The following AQP11 variants were observed in gnomAD, a reference collection of about 807,000 sequenced individuals.
The protein encoded by AQP11 is aquaporin 11.
A neutral mutation model predicts 21.1 loss-of-function variants in AQP11; 20 were observed. That is an observed-to-expected ratio of 0.95 (90% confidence interval 0.67 to 1.38). The LOEUF is 1.38. AQP11 is among the 40% of genes most tolerant of loss of function. The pLI, the probability that AQP11 is intolerant of heterozygous loss-of-function variation, is 0.00. For synonymous variants in AQP11, 167 were observed against 150.1 expected (o/e 1.11, Z -0.82); for missense variants, 339 against 340.4 (o/e 1.00, Z 0.03).
In AQP11 at chr11:77,590,380, T is replaced by G; in HGVS notation, c.388T>G (p.Cys130Gly). The change falls in exon 1 of 3, where the codon TGC (cysteine) becomes GGC (glycine). Residue 130 changes from cysteine to glycine, a missense_variant. Physicochemically the swap from Cys to Gly is radical, Grantham distance 159. Coordinates refer to ENST00000313578, the MANE Select transcript of AQP11 (RefSeq NM_173039.3). Reference sequence around the variant, plus strand: ...ATTGGCTCAGCTGGTTAGTGCCCTGTGCAGCAGGTACTGCACAAGCGCCTT... The same window carrying G: ...ATTGGCTCAGCTGGTTAGTGCCCTGGGCAGCAGGTACTGCACAAGCGCCTT... The part of the protein sequence containing the change: ...RLLAQLVSAL[C>G]SRYCTSALWS... The G allele has an allele frequency of 6.2e-7, 1 of 1,613,882 alleles. No individual in the cohort carries two copies. Among genetic ancestry groups the G allele is most frequent in the East Asian group, 2.2e-5 (1 of 44,818 alleles).
At chr11:77,609,238 C>G in intron 2 of AQP11, 60 bp from the exon 3 acceptor site, 1 of 1,297,634 alleles carries the variant, frequency 7.7e-7, no homozygotes, top group Admixed American at 1.9e-5. Context: ...ATATACCCAC[C>G]TAGTGATTAT....
At chr11:77,595,210 G>T (rs1169437692) in intron 1 of AQP11, among the ~76,000 whole-genome samples, 1 of 152,006 alleles carries the variant, frequency 6.6e-6, no homozygotes, top group Non-Finnish European at 1.5e-5. Context: ...GCATGCTTGC[G>T]CATGCCTGTA....
In AQP11 at chr11:77,590,299, G is replaced by T. The variant is rs751769523; in HGVS notation, c.307G>T (p.Val103Leu). ...GGGCACGTCCAGCAACCCGTGCGGCGTGATGATGCAGATGATGCTGGGGGG... is the reference window on the plus strand; with the variant it reads ...GGGCACGTCCAGCAACCCGTGCGGCTTGATGATGCAGATGATGCTGGGGGG... ...LVGTSSNPCGVMMQMMLGGMS... is the reference protein window; with the variant it reads ...LVGTSSNPCGLMMQMMLGGMS... The change falls in exon 1 of 3, where the codon GTG becomes TTG. Residue 103 changes from valine to leucine, a missense_variant. Transcript: ENST00000313578. 3.7e-6 allele frequency: 6 copies of T among 1,606,488 alleles called. No individual in the cohort carries two copies. The African/African-American group carries it at 4.0e-5, about 11-fold the overall frequency.
intron 1 of AQP11, among the ~76,000 whole-genome samples, chr11:77,592,761 C>CT (rs960654379): frequency 1.3e-5 from 2 of 152,124 alleles, no homozygotes; most frequent in Non-Finnish European, 2.9e-5. Flanking sequence ...AAACACTGCC[C>CT]TTTTTTTCTT....
chr11:77,593,523 G>A (rs896329703), intron 1 of AQP11, among the ~76,000 whole-genome samples: 22 of 152,200 alleles, frequency 1.4e-4, no homozygotes, highest in African/African-American at 5.3e-4. Flanking sequence ...TGTAGTCCCA[G>A]CTACTGGGGA....
chr11:77,602,444 C>A (rs1470244059), intron 1 of AQP11, among the ~76,000 whole-genome samples: 4 of 152,034 alleles, frequency 2.6e-5, no homozygotes, highest in Admixed American at 6.5e-5. Context: ...TTCTGTTCAC[C>A]CTTAGCAGTG....
In AQP11 at chr11:77,605,830, G is replaced by A. The variant is rs572891831; in HGVS notation, c.736+2158G>A. On this transcript the variant is annotated intron_variant, in intron 2 of 2. Transcript: ENST00000313578. Reference sequence around the variant, plus strand: ...TCCCAGCACTTTGGGAGGCCGAGGTGCGTGGATCACCTCAAGTCAGGAGTT... The same window carrying A: ...TCCCAGCACTTTGGGAGGCCGAGGTACGTGGATCACCTCAAGTCAGGAGTT... Among the ~76,000 whole-genome samples the A allele has an allele frequency of 7.9e-5, 12 of 152,084 alleles. No homozygotes were observed. The East Asian group carries it at 1.7e-3, about 22-fold the overall frequency.
rs112739865 is a variant in AQP11, at chr11:77,590,208, C to T, written c.216C>T (p.Pro72=). Residue 72 remains proline, a synonymous_variant, in exon 1 of 3, where the codon CCC becomes CCT. Coordinates refer to ENST00000313578, the MANE Select transcript of AQP11 (RefSeq NM_173039.3). ...TGCAACTGCTGAGCGAACAGCACCC[C>T]GCGCACCCCACCTGGACGCTGACGC... is the stretch of plus-strand genomic sequence containing the variant. The part of the protein sequence containing the change: ...HELQLLSEQH[P]AHPTWTLTLV... The T allele has an allele frequency of 2.0e-3, 3,120 of 1,594,324 alleles. 35 individuals carry two copies. In the African/African-American group the frequency reaches 0.029, roughly 15 times the overall value.
chr11:77,595,224 C>T (rs1165087018), intron 1 of AQP11, among the ~76,000 whole-genome samples: 1 of 151,986 alleles, frequency 6.6e-6, no homozygotes, highest in Non-Finnish European at 1.5e-5. Context: ...GCCTGTAATC[C>T]CAGCTACTCA....
chr11:77,596,713 A>G (rs1038645644), intron 1 of AQP11, among the ~76,000 whole-genome samples: 1 of 151,362 alleles, frequency 6.6e-6, no homozygotes, highest in Non-Finnish European at 1.5e-5. Flanking sequence ...TTTTAAAATT[A>G]GCCAGGTATG....
chr11:77,607,032 G>A (rs1277417500), intron 2 of AQP11, among the ~76,000 whole-genome samples: 1 of 152,160 alleles, frequency 6.6e-6, no homozygotes, highest in Non-Finnish European at 1.5e-5. Flanking sequence ...TGTAGTTTTG[G>A]TTTGAAGAGG....
Position 77,590,589 on chromosome 11 carries a change from C to A in AQP11, c.597C>A (p.Leu199=), listed in dbSNP as rs778845870. Residue 199 remains leucine (L), a synonymous_variant, in exon 1 of 3, where the codon CTC becomes CTA. Transcript: ENST00000313578. ...TKLRIHLLAA[L]ITFLVYAGGS... The stretch of plus-strand genomic sequence containing the variant: ...TTCGTATCCACCTGCTGGCTGCACT[C>A]ATCACCTTTTTGGTCTATGCAGGTT... 1 of 1,613,960 alleles carries A rather than the reference C, an allele frequency of 6.2e-7. No homozygotes were observed. The highest frequency in any genetic ancestry group is 8.5e-7 in the Non-Finnish European group (1 of 1,179,922).
rs1164222952 is a variant in AQP11 at position 77,609,803 on chromosome 11, A to G, written c.*426A>G. ...GGCGTCAACTTACAGAACTGGGGAG[A>G]GGATACTTTCAGCCACCACCTCACA... On this transcript the variant is annotated 3_prime_UTR_variant, in exon 3 of 3. Transcript: ENST00000313578. 5 of 152,916 alleles carry G rather than the reference A, an allele frequency of 3.3e-5. No homozygotes were observed. Among genetic ancestry groups the G allele is most frequent in the South Asian group, 2.1e-4 (1 of 4,838 alleles). The allele number at this position is 152,916 out of a possible 1,614,324, so 9.5% of individuals were successfully genotyped here.
At position 77,590,000 on chromosome 11, in the gene AQP11, C is replaced by T. The variant is rs1211969773; in HGVS notation, c.8C>T (p.Pro3Leu). Residue 3 changes from proline (P) to leucine (L), a missense_variant, in exon 1 of 3, where the codon CCG becomes CTG. Pro to Leu is a moderately conservative substitution (Grantham distance 98). Coordinates refer to ENST00000313578, the MANE Select transcript of AQP11 (RefSeq NM_173039.3). MS[P>L]LLGLRSELQD... ...TCAGGCGGCGACGGAGCCATGTCGC[C>T]GCTGCTGGGGCTCCGGTCCGAGCTG... 1 of 1,489,390 alleles carries T rather than the reference C, an allele frequency of 6.7e-7. No individual in the cohort carries two copies. Among genetic ancestry groups the T allele is most frequent in the East Asian group, 2.4e-5 (1 of 40,858 alleles). 92.3% of individuals were successfully genotyped at this position (1,489,390 alleles called of 1,614,324 possible).
chr11:77,596,533 TGTAA>T (rs1199098066), intron 1 of AQP11, among the ~76,000 whole-genome samples: 266 of 110,610 alleles, frequency 2.4e-3, no homozygotes, highest in African/African-American at 8.9e-3. Flanking sequence ...TAAATATATA[TGTAA>T]ATATATATAT....
chr11:77,604,147 T>G (rs138692124), intron 2 of AQP11, among the ~76,000 whole-genome samples: 1 of 152,192 alleles, frequency 6.6e-6, no homozygotes, highest in Non-Finnish European at 1.5e-5. Flanking sequence ...GGTCTCTCTT[T>G]GTCACCCAGG....
intron 1 of AQP11, among the ~76,000 whole-genome samples, chr11:77,594,318 A>C (rs1247460805): frequency 2.0e-5 from 3 of 152,244 alleles, no homozygotes; most frequent in Non-Finnish European, 4.4e-5. Context: ...TCTAATTTTA[A>C]GACTTCATAG....
At chr11:77,607,023 G>C (rs995913421) in intron 2 of AQP11, among the ~76,000 whole-genome samples, 2 of 152,154 alleles carry the variant, frequency 1.3e-5, no homozygotes, top group African/African-American at 4.8e-5. Flanking sequence ...AATATTTACT[G>C]TAGTTTTGGT....
chr11:77,601,103 T>C (rs1565118794), intron 1 of AQP11, among the ~76,000 whole-genome samples: 1 of 152,076 alleles, frequency 6.6e-6, no homozygotes, highest in South Asian at 2.1e-4. Context: ...GGGACAGTTT[T>C]CCCCCCAGGG....
Sources: gnomAD v4.1 joint callset for allele counts (sites outside exome capture counted in the v4.1 genomes callset) on GRCh38, gnomAD v4.1.1 for gene constraint, MANE v1.5 for transcripts, NCBI Gene and HGNC (gene_info 2026-07-23, HGNC 2026-07-21) for gene names.